The following KIAA0319 variants were observed in gnomAD, a reference collection of about 807,000 sequenced individuals.
The protein encoded by KIAA0319 is KIAA0319, also known as dyslexia-associated protein KIAA0319.
In KIAA0319, 83 loss-of-function variants were observed where a neutral mutation model predicts 108.4. The observed-to-expected ratio is 0.77, with a 90% CI of 0.64 to 0.92. KIAA0319 has a LOEUF of 0.92. Ranked by LOEUF, KIAA0319 falls within the 40% of genes least tolerant of loss-of-function variation. The pLI is 0.00. For synonymous variants in KIAA0319, 484 were observed against 510.4 expected (o/e 0.95, Z 0.70); for missense variants, 1,195 against 1,322.4 (o/e 0.90, Z 1.49).
Position 24,596,037 on chromosome 6 carries a change from G to C in KIAA0319, c.637C>G (p.Pro213Ala). ...PAVPAETQQD[P>A]ELHYLNESAS... ...GACTCATTCAGGTAATGGAGCTCAG[G>C]GTCCTGCTGCGTCTCCGCTGGCACC... is the stretch of plus-strand genomic sequence containing the variant. Residue 213 changes from proline to alanine, a missense_variant, in exon 3 of 21, where the codon CCT becomes GCT. By Grantham distance (27) the Pro-to-Ala change is conservative (BLOSUM62 -1). Coordinates refer to ENST00000378214, the MANE Select transcript of KIAA0319 (RefSeq NM_014809.4). 6.2e-7 allele frequency: 1 copy of C among 1,614,120 alleles called. No individual in the cohort carries two copies. Among genetic ancestry groups the C allele is most frequent in the South Asian group, 1.1e-5 (1 of 91,080 alleles).
At chr6:24,605,942 C>CT (rs199929857) in intron 1 of KIAA0319, among the ~76,000 whole-genome samples, 24,018 of 147,216 alleles carry the variant, frequency 0.16, 2,074 homozygotes, top group Non-Finnish European at 0.21. Flanking sequence ...ATGGATGTTT[C>CT]TTTTTTTTTT....
In KIAA0319 at chr6:24,547,207, G is replaced by C; in HGVS notation, c.3177C>G (p.Ile1059Met). Residue 1059 changes from isoleucine to methionine, a missense_variant, in exon 21 of 21, where the codon ATC (isoleucine) becomes ATG (methionine). Transcript: ENST00000378214. ...GNPKVSMNGS[I>M]RNGASFSYCS... is the part of the protein sequence containing the mutation. ...AATAACTGAAGGAAGCTCCATTTCT[G>C]ATGGAACCATTCATGGAAACCTTTG... 1 of 1,614,076 alleles carries C rather than the reference G, an allele frequency of 6.2e-7. No homozygotes were observed. The highest frequency in any genetic ancestry group is 8.5e-7 in the Non-Finnish European group (1 of 1,179,982).
chr6:24,623,706 G>A (rs556870844), intron 1 of KIAA0319, among the ~76,000 whole-genome samples: 10 of 152,246 alleles, frequency 6.6e-5, no homozygotes, highest in South Asian at 2.1e-4. Context: ...AAGTTCCAGC[G>A]TTTGATAGCA....
rs752943073 is a variant in KIAA0319, at chr6:24,554,580, G to A, written c.2909C>T (p.Thr970Ile). 6.2e-7 allele frequency: 1 copy of A among 1,614,030 alleles called. No individual in the cohort carries two copies. The highest frequency in any genetic ancestry group is 8.5e-7 in the Non-Finnish European group (1 of 1,179,952). ...TVLAFTLIVL[T>I]GGFTWLCICC... ...GATGCAAAGCCAAGTGAAACCTCCT[G>A]TTAGCACAATAAGAGTAAAAGCCAA... is the stretch of plus-strand genomic sequence containing the variant. Residue 970 changes from threonine (T) to isoleucine (I), a missense_variant, in exon 19 of 21, where the codon ACA becomes ATA. By Grantham distance (89) the Thr-to-Ile change is moderately conservative. Coordinates refer to ENST00000378214, the MANE Select transcript of KIAA0319 (RefSeq NM_014809.4).
chr6:24,566,925 G>C (rs1379018072), intron 13 of KIAA0319, among the ~76,000 whole-genome samples, 177 bp from the exon 14 acceptor site: 2 of 152,134 alleles, frequency 1.3e-5, no homozygotes, highest in East Asian at 1.9e-4. Context: ...CTTCCTTAAA[G>C]CTCCATTTGT....
At chr6:24,576,745 C>T (rs1188047846) in intron 9 of KIAA0319, 149 bp from the exon 10 acceptor site, 5 of 647,580 alleles carry the variant, frequency 7.7e-6, no homozygotes, top group Non-Finnish European at 1.4e-5. Flanking sequence ...TAGAAGGAGA[C>T]TCTGTCTCTA....
At chr6:24,574,653 A>C (rs773750582) in intron 10 of KIAA0319, among the ~76,000 whole-genome samples, 1 of 152,140 alleles carries the variant, frequency 6.6e-6, no homozygotes, top group Non-Finnish European at 1.5e-5. Flanking sequence ...ATTTACTTTT[A>C]TAGATCCCAA....
intron 1 of KIAA0319, among the ~76,000 whole-genome samples, chr6:24,645,200 A>T (rs1268265254): frequency 6.6e-6 from 1 of 152,240 alleles, no homozygotes; most frequent in Non-Finnish European, 1.5e-5. Context: ...TTCACCGACA[A>T]ACAAAAATGT....
At chr6:24,611,138 A>G (rs986167124) in intron 1 of KIAA0319, among the ~76,000 whole-genome samples, 1 of 152,150 alleles carries the variant, frequency 6.6e-6, no homozygotes, top group Non-Finnish European at 1.5e-5. Flanking sequence ...AGATTGGAAG[A>G]AAATGGGGAG....
At chr6:24,575,189 G>A (rs756036643) in intron 10 of KIAA0319, among the ~76,000 whole-genome samples, 4 of 152,170 alleles carry the variant, frequency 2.6e-5, no homozygotes, top group Non-Finnish European at 5.9e-5. Context: ...TTGTTACTGT[G>A]GATATTCTTC....
chr6:24,597,940 A>AAAAAAAAAAAAAAAAC (rs1562032993), intron 2 of KIAA0319: 2 of 146,990 alleles, frequency 1.4e-5, no homozygotes, highest in African/African-American at 5.3e-5. Context: ...AAAAAAAAAA[A>AAAAAAAAAAAAAAAAC]AAAAAAAAAA....
chr6:24,556,799 A>G lies in KIAA0319; in HGVS notation c.2735-70T>C, dbSNP rs1762358120. On this transcript the variant is annotated intron_variant, in intron 17 of 20. Coordinates refer to ENST00000378214, the MANE Select transcript of KIAA0319 (RefSeq NM_014809.4). ...AATCCCTGGATTCAGCTTCTTTTGT[A>G]TCTTCAGTAGCATAGGTCCCAAATA... 4 of 1,532,040 alleles carry G rather than the reference A, an allele frequency of 2.6e-6. No individual in the cohort carries two copies. The East Asian group carries it at 6.8e-5, about 26-fold the overall frequency. The allele number at this position is 1,532,040 out of a possible 1,614,324, so 94.9% of individuals were successfully genotyped here. A position where few individuals can be genotyped will look rare whatever the true frequency, so the allele number is the denominator to read the frequency against.
intron 13 of KIAA0319, among the ~76,000 whole-genome samples, chr6:24,567,579 T>G (rs1280788955): frequency 3.3e-5 from 5 of 152,084 alleles, no homozygotes; most frequent in African/African-American, 1.2e-4. Flanking sequence ...CACACACCTG[T>G]AGACCCAGCT....
chr6:24,561,983 G>A (rs926620303), intron 16 of KIAA0319, among the ~76,000 whole-genome samples: 8 of 152,138 alleles, frequency 5.3e-5, no homozygotes, highest in African/African-American at 1.7e-4. Flanking sequence ...GATTACAGGC[G>A]TCAGCCACCG....
chr6:24,557,085 G>A (rs1043239601), intron 17 of KIAA0319, among the ~76,000 whole-genome samples: 15 of 152,122 alleles, frequency 9.9e-5, no homozygotes, highest in Non-Finnish European at 1.9e-4. Flanking sequence ...CATGCCTGTA[G>A]TCCCAGCTAC....
At chr6:24,638,859 TAAC>T (rs1159708650) in intron 1 of KIAA0319, among the ~76,000 whole-genome samples, 1 of 152,200 alleles carries the variant, frequency 6.6e-6, no homozygotes, top group Non-Finnish European at 1.5e-5. Flanking sequence ...TAATTATAGT[TAAC>T]AATCCTGTAT....
In KIAA0319 at chr6:24,559,095, T is replaced by C; in HGVS notation, c.2652A>G (p.Glu884=). Residue 884 remains glutamate, a synonymous_variant, in exon 17 of 21, where the codon GAA becomes GAG. Coordinates refer to ENST00000378214, the MANE Select transcript of KIAA0319 (RefSeq NM_014809.4). ...RPPFKVLKAA[E]VARNLHMRLS... ...GCCGCATGTGCAGATTTCGGGCCAC[T>C]TCAGCAGCTTTGAGAACCTTGAAAG... 3 of 1,613,870 alleles carry C rather than the reference T, an allele frequency of 1.9e-6. No homozygotes were observed. Among genetic ancestry groups the C allele is most frequent in the Non-Finnish European group, 2.5e-6 (3 of 1,180,008 alleles).
At chr6:24,635,263 C>A (rs1303637155) in intron 1 of KIAA0319, among the ~76,000 whole-genome samples, 1 of 152,074 alleles carries the variant, frequency 6.6e-6, no homozygotes, top group Non-Finnish European at 1.5e-5. Flanking sequence ...CGCCACCACA[C>A]CCAACTAATT....
intron 1 of KIAA0319, 113 bp from the exon 2 acceptor site, chr6:24,601,321 T>C: frequency 7.4e-7 from 1 of 1,356,772 alleles, no homozygotes; most frequent in Non-Finnish European, 9.5e-7. Flanking sequence ...CCTGGTCACA[T>C]CACAGAGCCA....
Sources: allele counts gnomAD v4.1 joint callset (sites outside exome capture counted in the v4.1 genomes callset), GRCh38; gene constraint gnomAD v4.1.1; transcripts MANE v1.5; gene names NCBI Gene and HGNC (gene_info 2026-07-23, HGNC 2026-07-21).